The following CCDC85A variants were observed in gnomAD, a reference collection of about 807,000 sequenced individuals.
The protein encoded by CCDC85A is coiled-coil domain-containing protein 85A.
In CCDC85A, 38 loss-of-function variants were observed where a neutral mutation model predicts 50.2. That is an observed-to-expected ratio of 0.76 (90% CI 0.58 to 0.99). The LOEUF (loss-of-function observed/expected upper bound fraction) is 0.99, where lower values mean the gene tolerates loss of function less well. Ranked by LOEUF, CCDC85A falls within the 50% of genes least tolerant of loss-of-function variation. CCDC85A has a pLI of 0.00. For missense variants in CCDC85A, 820 were observed against 742.0 expected (o/e 1.11, Z -1.22); for synonymous variants, 366 against 301.4 (o/e 1.21, Z -2.22).
chr2:56,252,574 GGATACGT>G (rs1669811183), intron 2 of CCDC85A, among the ~76,000 whole-genome samples: 1 of 151,988 alleles, frequency 6.6e-6, no homozygotes, highest in Non-Finnish European at 1.5e-5. Flanking sequence ...TTAAGTTCTG[GGATACGT>G]GTGCAGAATG....
chr2:56,203,506 C>T (rs1284341995), intron 2 of CCDC85A, among the ~76,000 whole-genome samples: 1 of 151,998 alleles, frequency 6.6e-6, no homozygotes, highest in African/African-American at 2.4e-5. Flanking sequence ...CAAAATTGCC[C>T]ACTTTGGGGC....
At chr2:56,228,117 C>G (rs56060118) in intron 2 of CCDC85A, among the ~76,000 whole-genome samples, 1 of 152,160 alleles carries the variant, frequency 6.6e-6, no homozygotes, top group Non-Finnish European at 1.5e-5. Context: ...TAACTGAGAA[C>G]TTCCTTTGTG....
chr2:56,376,059 T>C (rs1441767664), intron 5 of CCDC85A, 124 bp downstream of exon 5: 4 of 998,670 alleles, frequency 4.0e-6, no homozygotes, highest in Non-Finnish European at 5.5e-6. Flanking sequence ...CTCCTTATGG[T>C]GTAACTTTTT....
intron 2 of CCDC85A, among the ~76,000 whole-genome samples, chr2:56,262,300 T>C (rs995990791): frequency 6.9e-6 from 1 of 145,400 alleles, no homozygotes; most frequent in Admixed American, 6.7e-5. Context: ...TATTTTAGTA[T>C]GAATAGGAGT....
intron 2 of CCDC85A, among the ~76,000 whole-genome samples, chr2:56,257,685 A>G (rs1222710776): frequency 6.6e-6 from 1 of 152,196 alleles, no homozygotes; most frequent in South Asian, 2.1e-4. Context: ...AAGAAACTCA[A>G]TCAGGTGTTT....
At chr2:56,269,783 G>T (rs1670618859) in intron 2 of CCDC85A, among the ~76,000 whole-genome samples, 1 of 152,056 alleles carries the variant, frequency 6.6e-6, no homozygotes, top group Non-Finnish European at 1.5e-5. Context: ...GCAAATATTA[G>T]GCTGACTCTG....
intron 2 of CCDC85A, among the ~76,000 whole-genome samples, chr2:56,289,989 G>A (rs890269232): frequency 6.6e-5 from 10 of 152,126 alleles, no homozygotes; most frequent in African/African-American, 2.2e-4. Flanking sequence ...CAGAGGGGTC[G>A]AGGTGGTGAT....
At chr2:56,350,889 A>G (rs1254314478) in intron 3 of CCDC85A, among the ~76,000 whole-genome samples, 1 of 148,448 alleles carries the variant, frequency 6.7e-6, no homozygotes, top group Non-Finnish European at 1.5e-5. Flanking sequence ...TTTAGGGTAC[A>G]TGTGCACAAT....
intron 2 of CCDC85A, among the ~76,000 whole-genome samples, chr2:56,327,062 A>G (rs1260113062): frequency 6.6e-6 from 1 of 152,072 alleles, no homozygotes; most frequent in African/African-American, 2.4e-5. Context: ...TGTCTTAAAT[A>G]TTTTCTGCTT....
At chr2:56,290,761 A>G (rs114883016) in intron 2 of CCDC85A, among the ~76,000 whole-genome samples, 157 of 152,302 alleles carry the variant, frequency 1.0e-3, no homozygotes, top group Non-Finnish European at 1.6e-3. Flanking sequence ...TTTCCTCTAT[A>G]CAGTTATCTA....
At position 56,184,849 on chromosome 2, in the gene CCDC85A, C is replaced by A. The variant is rs752453675; in HGVS notation, c.225C>A (p.Arg75=). The A allele has an allele frequency of 8.8e-5, 135 of 1,539,302 alleles. 1 individual carries two copies. Among genetic ancestry groups the A allele is most frequent in the Non-Finnish European group, 1.7e-6 (2 of 1,144,452 alleles). The part of the protein sequence containing the change: ...SAMLDHSNLI[R]EVNRRLQLHL... The stretch of plus-strand genomic sequence containing the variant: ...TGCTGGACCACAGCAACCTCATCCG[C>A]GAGGTGAACCGCCGCCTGCAGCTGC... Residue 75 remains arginine, a synonymous_variant, in exon 1 of 6, where the codon CGC becomes CGA. Coordinates refer to ENST00000407595, the MANE Select transcript of CCDC85A (RefSeq NM_001080433.2).
rs80133360 is a variant in CCDC85A at position 56,305,229 on chromosome 2, G to A, written c.1241-37650G>A. Reference sequence around the variant, plus strand: ...CATGATCATTTTAAGGAATGGAGATGAATACATATGTTTACTAGTAATGGC... The same window carrying A: ...CATGATCATTTTAAGGAATGGAGATAAATACATATGTTTACTAGTAATGGC... On this transcript the variant is annotated intron_variant, in intron 2 of 5. Transcript: ENST00000407595. 9.4e-3 allele frequency among the ~76,000 whole-genome samples: 1,424 copies of A among 152,276 alleles called. 31 individuals are homozygous for A. The highest frequency in any genetic ancestry group is 0.032 in the African/African-American group (1,341 of 41,556).
At chr2:56,323,206 A>T (rs953728122) in intron 2 of CCDC85A, among the ~76,000 whole-genome samples, 3 of 152,166 alleles carry the variant, frequency 2.0e-5, no homozygotes, top group South Asian at 2.1e-4. Flanking sequence ...TGATGAGTTA[A>T]TGGGTGCAGC....
chr2:56,260,357 G>A (rs991308027), intron 2 of CCDC85A, among the ~76,000 whole-genome samples: 1 of 152,196 alleles, frequency 6.6e-6, no homozygotes, highest in Admixed American at 6.5e-5. Context: ...ATCTGACAGG[G>A]AACCACAAGA....
intron 2 of CCDC85A, among the ~76,000 whole-genome samples, chr2:56,245,854 T>C (rs1669483124): frequency 6.6e-6 from 1 of 152,162 alleles, no homozygotes; most frequent in South Asian, 2.1e-4. Context: ...AAGAAGGCCT[T>C]CACCAGACCA....
At chr2:56,361,368 T>C (rs1383895097) in intron 3 of CCDC85A, among the ~76,000 whole-genome samples, 2 of 152,238 alleles carry the variant, frequency 1.3e-5, no homozygotes, top group Non-Finnish European at 2.9e-5. Context: ...GCATCTCTTA[T>C]GTACAGATAC....
At chr2:56,285,692 G>A (rs1290984409) in intron 2 of CCDC85A, among the ~76,000 whole-genome samples, 1 of 150,460 alleles carries the variant, frequency 6.6e-6, no homozygotes, top group Non-Finnish European at 1.5e-5. Flanking sequence ...ACTTCTATAT[G>A]CATTATAAAC....
At chr2:56,213,981 T>G (rs1004466121) in intron 2 of CCDC85A, among the ~76,000 whole-genome samples, 1 of 152,038 alleles carries the variant, frequency 6.6e-6, no homozygotes, top group African/African-American at 2.4e-5. Context: ...GGCCAAGATA[T>G]GGCAGCAGAC....
chr2:56,342,817 T>C, intron 2 of CCDC85A, 62 bp from the exon 3 acceptor site: 2 of 1,084,544 alleles, frequency 1.8e-6, no homozygotes, highest in Non-Finnish European at 1.4e-6. Context: ...GCCAGAAATA[T>C]CCTGACAGTA....
Sources: gnomAD v4.1 joint callset for allele counts (sites outside exome capture counted in the v4.1 genomes callset) on GRCh38, gnomAD v4.1.1 for gene constraint, MANE v1.5 for transcripts, NCBI Gene and HGNC (gene_info 2026-07-23, HGNC 2026-07-21) for gene names.